The following GCKR variants were observed in gnomAD, a reference collection of about 807,000 sequenced individuals.
The protein encoded by GCKR is glucokinase regulator.
In GCKR, 73 loss-of-function variants were observed where a neutral mutation model predicts 82.9. The ratio of observed to expected loss-of-function variants is 0.88; its 90% confidence interval spans 0.73 to 1.07. The LOEUF (loss-of-function observed/expected upper bound fraction) is 1.07, where lower values mean the gene tolerates loss of function less well. Among genes scored for constraint, GCKR ranks in the 50% least tolerant of loss-of-function variants. The probability of loss-of-function intolerance (pLI) is 0.00; values close to 1 mark genes in which losing one functional copy is unlikely to be tolerated. For missense variants in GCKR, 784 were observed against 782.1 expected, an observed-to-expected ratio of 1.00 and a Z score of -0.03; for synonymous variants, 294 against 291.8, an observed-to-expected ratio of 1.01 and a Z score of -0.08.
intron 16 of GCKR, among the ~76,000 whole-genome samples, chr2:27,515,587 T>C (rs1197846491): frequency 2.0e-5 from 3 of 152,102 alleles, no homozygotes; most frequent in East Asian, 1.9e-4. Flanking sequence ...AACATCTAAA[T>C]TGTAAAGGAA....
chr2:27,507,250 G>A lies in GCKR; in HGVS notation c.1082G>A (p.Arg361His), dbSNP rs773505431. ...HTFGADFRDV[R>H]GFLIGDHSDM... ...AACTTCCCAGATTTCCGAGATGTCC[G>A]TGGCTTTCTCATTGGTGATCACAGT... Residue 361 changes from arginine (R) to histidine (H), a missense_variant, in exon 13 of 19, where the codon CGT becomes CAT. Transcript: ENST00000264717. 1.4e-5 allele frequency: 22 copies of A among 1,610,604 alleles called. No homozygotes were observed. The highest frequency in any genetic ancestry group is 1.2e-4 in the Admixed American group (7 of 59,980).
chr2:27,498,696 C>T (rs1404761439), intron 4 of GCKR, 28 bp from the exon 5 acceptor site: 12 of 1,399,826 alleles, frequency 8.6e-6, no homozygotes, highest in Admixed American at 1.7e-5. Context: ...CTGTCATTAC[C>T]TCTTTACATC....
chr2:27,510,301 G>T (rs771440539), intron 16 of GCKR, among the ~76,000 whole-genome samples: 1 of 152,124 alleles, frequency 6.6e-6, no homozygotes, highest in Non-Finnish European at 1.5e-5. Flanking sequence ...GAGCCACCAC[G>T]CCCGGCCACT....
At chr2:27,519,548 T>C (rs1670098608) in intron 17 of GCKR, among the ~76,000 whole-genome samples, 1 of 152,144 alleles carries the variant, frequency 6.6e-6, no homozygotes, top group Non-Finnish European at 1.5e-5. Context: ...GTGATCCACC[T>C]GCCTCAGCCT....
chr2:27,497,500 ACCCCCTC>A, intron 2 of GCKR, 55 bp from the exon 3 acceptor site: 1 of 1,562,286 alleles, frequency 6.4e-7, no homozygotes. Flanking sequence ...AAACCCTGAG[ACCCCCTC>A]CCCCATTCAT....
At chr2:27,523,198 C>T in intron 18 of GCKR, 71 bp from the exon 19 acceptor site, 1 of 1,381,222 alleles carries the variant, frequency 7.2e-7, no homozygotes, top group Admixed American at 1.7e-5. Flanking sequence ...TGCGCCCGAC[C>T]TTCCTCCGGG....
chr2:27,501,784 A>G (rs755382585), intron 8 of GCKR: 1 of 471,022 alleles, frequency 2.1e-6, no homozygotes, highest in African/African-American at 2.0e-5. Flanking sequence ...CTTATTCTCT[A>G]TGTCAGTGGT....
At chr2:27,503,696 AT>A in intron 9 of GCKR, 77 bp downstream of exon 9, 1 of 767,694 alleles carries the variant, frequency 1.3e-6, no homozygotes, top group Non-Finnish European at 2.4e-6. Context: ...GGGGCCTCTG[AT>A]TTTAGGTTCT....
chr2:27,513,305 T>C (rs1572870974), intron 16 of GCKR, among the ~76,000 whole-genome samples: 1 of 152,022 alleles, frequency 6.6e-6, no homozygotes, highest in African/African-American at 2.4e-5. Context: ...CTGAGGCAGG[T>C]GGATCACTTG....
intron 16 of GCKR, 23 bp downstream of exon 16, chr2:27,508,274 A>T (rs897526908): frequency 7.1e-7 from 1 of 1,410,310 alleles, no homozygotes; most frequent in Non-Finnish European, 1.0e-6. Flanking sequence ...AGAAGGTCCT[A>T]TCTGCAGTAA....
intron 14 of GCKR, 45 bp from the exon 15 acceptor site, chr2:27,507,932 C>A: frequency 1.4e-6 from 2 of 1,391,694 alleles, no homozygotes; most frequent in Non-Finnish European, 2.0e-6. Flanking sequence ...GGAGGAACAG[C>A]TGCACAGCCA....
rs370187930 is a variant in GCKR at position 27,522,450 on chromosome 2, T to G, written c.1573-10T>G. 1.9e-5 allele frequency: 31 copies of G among 1,613,698 alleles called. No individual in the cohort carries two copies. In the African/African-American group the frequency reaches 3.6e-4, roughly 19 times the overall value. On this transcript the variant is annotated splice_polypyrimidine_tract_variant and intron_variant, in intron 17 of 18. Coordinates refer to ENST00000264717, the MANE Select transcript of GCKR (RefSeq NM_001486.4). Reference sequence around the variant, plus strand: ...TTAGCCTGACACTGATCTTACCACTTCTTCCTTAGCGGTTCTCTGGACAGT... The same window carrying G: ...TTAGCCTGACACTGATCTTACCACTGCTTCCTTAGCGGTTCTCTGGACAGT...
chr2:27,503,959 A>G (rs956305006), intron 9 of GCKR, among the ~76,000 whole-genome samples: 1 of 152,200 alleles, frequency 6.6e-6, no homozygotes, highest in African/African-American at 2.4e-5. Context: ...ACATATTTAC[A>G]TTTTAAATAT....
Position 27,523,301 on chromosome 2 carries a change from C to A in GCKR, c.1740C>A (p.Phe580Leu). ...VIPIALLSLL[F>L]RCSITEAQAH... ...CCATCGCCTTGCTGAGCCTCCTATT[C>A]CGGTGCTCGATCACTGAGGCTCAGG... is the stretch of plus-strand genomic sequence containing the variant. Residue 580 changes from phenylalanine (F) to leucine (L), a missense_variant, in exon 19 of 19, where the codon TTC becomes TTA. Transcript: ENST00000264717. 6.2e-7 allele frequency: 1 copy of A among 1,613,036 alleles called. No individual in the cohort carries two copies. The highest frequency in any genetic ancestry group is 8.5e-7 in the Non-Finnish European group (1 of 1,179,834).
chr2:27,512,710 C>G (rs953740877), intron 16 of GCKR, among the ~76,000 whole-genome samples: 1 of 152,072 alleles, frequency 6.6e-6, no homozygotes, highest in African/African-American at 2.4e-5. Flanking sequence ...TCAAATTTCC[C>G]CAAATATTCC....
At chr2:27,516,456 A>T (rs1038279111) in intron 16 of GCKR, among the ~76,000 whole-genome samples, 23 of 151,378 alleles carry the variant, frequency 1.5e-4, no homozygotes, top group African/African-American at 5.6e-4. Context: ...ACACCAGGCA[A>T]ATTTTCTTTT....
chr2:27,498,749 G>T lies in GCKR; in HGVS notation c.380G>T (p.Gly127Val). ...MSVSFNQLMK[G>V]LGQKPLYTYL... Reference sequence around the variant, plus strand: ...GTGTCCTTTAATCAGCTGATGAAAGGTCTGGGACAGAAACCTCTTTACACC... The same window carrying T: ...GTGTCCTTTAATCAGCTGATGAAAGTTCTGGGACAGAAACCTCTTTACACC... The change falls in exon 5 of 19, where the codon GGT (glycine) becomes GTT (valine). Residue 127 changes from glycine (G) to valine (V), a missense_variant. Transcript: ENST00000264717. The T allele has an allele frequency of 6.2e-7, 1 of 1,607,620 alleles. No individual in the cohort carries two copies. The highest frequency in any genetic ancestry group is 8.5e-7 in the Non-Finnish European group (1 of 1,174,136).
intron 17 of GCKR, among the ~76,000 whole-genome samples, chr2:27,519,199 C>T (rs1192993577): frequency 2.0e-5 from 3 of 152,096 alleles, no homozygotes; most frequent in Non-Finnish European, 4.4e-5. Context: ...TTAAGCTAAA[C>T]AAAGAAAATG....
rs1358671440 is a variant in GCKR, at chr2:27,505,790, T to A, written c.823T>A (p.Leu275Ile). ...ATKILLETLL[L>I]AAHKTVDQGI... is the part of the protein sequence containing the mutation. ...CAAGATTCTGCTGGAAACCCTGTTA[T>A]TAGCAGCCCATAAGACTGTGGACCA... The change falls in exon 10 of 19, where the codon TTA becomes ATA. Residue 275 changes from leucine (L) to isoleucine (I), a missense_variant. Leu to Ile is a conservative substitution (Grantham distance 5). Coordinates refer to ENST00000264717, the MANE Select transcript of GCKR (RefSeq NM_001486.4). The A allele has an allele frequency of 8.1e-6, 13 of 1,609,464 alleles. No individual in the cohort carries two copies. Among genetic ancestry groups the A allele is most frequent in the Non-Finnish European group, 1.1e-5 (13 of 1,175,890 alleles).
Sources: gnomAD v4.1 joint callset for allele counts (sites outside exome capture counted in the v4.1 genomes callset) on GRCh38, gnomAD v4.1.1 for gene constraint, MANE v1.5 for transcripts, NCBI Gene and HGNC (gene_info 2026-07-23, HGNC 2026-07-21) for gene names.